SOX5: variants seen among roughly 807,000 people sequenced by gnomAD.
The protein encoded by SOX5 is transcription factor SOX-5.
Under a neutral mutation model 92.0 loss-of-function variants are expected in SOX5, and 9 were observed. That is an observed-to-expected ratio of 0.10 (90% CI 0.06 to 0.17). The LOEUF (loss-of-function observed/expected upper bound fraction) is 0.17, where lower values mean the gene tolerates loss of function less well. Among genes scored for constraint, SOX5 ranks in the 10% least tolerant of loss-of-function variants. The pLI is 1.00. For synonymous variants in SOX5, 344 were observed against 336.3 expected (o/e 1.02, Z -0.25); for missense variants, 642 against 944.5 (o/e 0.68, Z 4.20).
chr12:23,984,426 G>A (rs1049182144), intron 4 of SOX5, among the ~76,000 whole-genome samples: 2 of 152,148 alleles, frequency 1.3e-5, no homozygotes, highest in African/African-American at 2.4e-5. Context: ...TGGGTGACTC[G>A]GAAATCCACC....
chr12:24,030,195 T>G (rs1955336382), intron 4 of SOX5, among the ~76,000 whole-genome samples: 1 of 151,918 alleles, frequency 6.6e-6, no homozygotes, highest in South Asian at 2.1e-4. Flanking sequence ...ATTTTTTTGA[T>G]AGTTCACTAA....
At chr12:23,986,944 A>T (rs1301484936) in intron 4 of SOX5, among the ~76,000 whole-genome samples, 1 of 152,200 alleles carries the variant, frequency 6.6e-6, no homozygotes, top group Non-Finnish European at 1.5e-5. Context: ...CATTTTAAAA[A>T]TCACTTTCAC....
rs1233395155 is a variant in SOX5 at position 23,948,049 on chromosome 12, G to A, written c.38+1515C>T. Among the ~76,000 whole-genome samples the A allele has an allele frequency of 2.6e-5, 4 of 152,142 alleles. No individual in the cohort carries two copies. In the South Asian group the frequency reaches 8.3e-4, roughly 32 times the overall value. The stretch of plus-strand genomic sequence containing the variant: ...AAATCGCTACATTAGGTAATGTACA[G>A]TATGTTCCACTATGAATAACTTCAA... On this transcript the variant is annotated intron_variant, in intron 1 of 14. Transcript: ENST00000451604.
intron 4 of SOX5, among the ~76,000 whole-genome samples, chr12:23,966,781 T>G (rs7964111): frequency 0.97 from 147,750 of 152,232 alleles, 71,881 homozygotes; most frequent in East Asian, 1. Flanking sequence ...ATATTACAAC[T>G]GATACAAAAA....
intron 1 of SOX5, among the ~76,000 whole-genome samples, chr12:24,372,014 A>C (rs1172096625): frequency 6.6e-6 from 1 of 151,444 alleles, no homozygotes; most frequent in Non-Finnish European, 1.5e-5. Flanking sequence ...AGAGAGAGAG[A>C]GATCATTTGG....
At chr12:23,988,453 A>T (rs1191846638) in intron 4 of SOX5, among the ~76,000 whole-genome samples, 1 of 152,218 alleles carries the variant, frequency 6.6e-6, no homozygotes, top group African/African-American at 2.4e-5. Context: ...TTAATGTCTA[A>T]TGCTTTCAGT....
rs114062969 is a variant in SOX5, at chr12:23,789,508, T to G, written c.482-33784A>C. Among the ~76,000 whole-genome samples, 537 of 152,216 alleles carry G rather than the reference T, an allele frequency of 3.5e-3. 8 individuals are homozygous for G. Among genetic ancestry groups the G allele is most frequent in the African/African-American group, 0.012 (503 of 41,566 alleles). On this transcript the variant is annotated intron_variant, in intron 3 of 14. Transcript: ENST00000451604. ...GAGAATATGTTTCTTTTTAGGATAT[T>G]CTTTCAATTGAAGTATCACGTGTTT...
chr12:23,753,472 A>T (rs1291330685), intron 4 of SOX5, among the ~76,000 whole-genome samples: 3 of 151,848 alleles, frequency 2.0e-5, no homozygotes, highest in Non-Finnish European at 2.9e-5. Context: ...AATACTGTAA[A>T]GGCTGGAAAC....
In SOX5 at chr12:23,563,362, C is replaced by G; in HGVS notation, c.1384G>C (p.Glu462Gln). Residue 462 changes from glutamate to glutamine, a missense_variant, in exon 11 of 15, where the codon GAA becomes CAA. Coordinates refer to ENST00000451604, the MANE Select transcript of SOX5 (RefSeq NM_006940.6). ...DHDAVTKAIQ[E>Q]ARQMKEQLRR... ...AGTTGCTCCTTCATTTGCCGAGCTT[C>G]TTGGATTGCCTTGGTGACAGCATCA... The G allele has an allele frequency of 6.2e-7, 1 of 1,614,006 alleles. No homozygotes were observed. The highest frequency in any genetic ancestry group is 8.5e-7 in the Non-Finnish European group (1 of 1,179,932).
chr12:24,412,924 T>G (rs1964379884), intron 1 of SOX5, among the ~76,000 whole-genome samples: 2 of 151,786 alleles, frequency 1.3e-5, no homozygotes, highest in South Asian at 4.2e-4. Flanking sequence ...CCCGGCTAAT[T>G]TTTTGTATTT....
chr12:24,183,802 C>T (rs767519330), intron 4 of SOX5, among the ~76,000 whole-genome samples: 1 of 152,114 alleles, frequency 6.6e-6, no homozygotes, highest in African/African-American at 2.4e-5. Flanking sequence ...GTTCCTGACT[C>T]CACTTCTTTC....
At chr12:24,511,351 T>A (rs892799172) in intron 1 of SOX5, among the ~76,000 whole-genome samples, 1 of 152,258 alleles carries the variant, frequency 6.6e-6, no homozygotes, top group Admixed American at 6.5e-5. Flanking sequence ...CTTCTGTCAC[T>A]ACAATACCCA....
chr12:23,888,208 T>C (rs923705694), intron 2 of SOX5, among the ~76,000 whole-genome samples: 1 of 152,170 alleles, frequency 6.6e-6, no homozygotes. Context: ...ATATTTGAGT[T>C]GAATCTTTCT....
upstream of SOX5, chr12:23,949,735 T>TCTCTCTCTCTCTCTCTCC: frequency 1.5e-6 from 1 of 681,084 alleles, no homozygotes; most frequent in Admixed American, 3.8e-5. Flanking sequence ...TCCCTCCCTC[T>TCTCTCTCTCTCTCTCTCC]CTCTCTCTCT....
intron 9 of SOX5, among the ~76,000 whole-genome samples, chr12:23,581,643 T>G (rs1440603084): frequency 6.6e-6 from 1 of 152,106 alleles, no homozygotes; most frequent in Non-Finnish European, 1.5e-5. Context: ...TAATGGCTAT[T>G]ATATGCCAGG....
intron 6 of SOX5, among the ~76,000 whole-genome samples, chr12:23,684,129 G>T (rs2087118132): frequency 6.6e-6 from 1 of 151,908 alleles, no homozygotes; most frequent in African/African-American, 2.4e-5. Context: ...CTAGAAATGT[G>T]CTCTACTCTT....
rs183567166 is a variant in SOX5 at position 24,051,320 on chromosome 12, C to A, written c.-1-155296G>T. Among the ~76,000 whole-genome samples, 22 of 152,104 alleles carry A rather than the reference C, an allele frequency of 1.4e-4. No individual in the cohort carries two copies. The East Asian group carries it at 3.7e-3, about 25-fold the overall frequency. On this transcript the variant is annotated intron_variant, in intron 4 of 4. Transcript: ENST00000446891. ...AGACTCAAATTTTTAATAAGACTAACATAATTCTGTTACCAAGAAACAATC... is the reference window on the plus strand; with the variant it reads ...AGACTCAAATTTTTAATAAGACTAAAATAATTCTGTTACCAAGAAACAATC...
intron 4 of SOX5, among the ~76,000 whole-genome samples, chr12:24,027,235 C>T (rs951545212): frequency 6.6e-6 from 1 of 152,060 alleles, no homozygotes; most frequent in South Asian, 2.1e-4. Flanking sequence ...AGGCCCTCTC[C>T]TTTATTTCTG....
intron 6 of SOX5, among the ~76,000 whole-genome samples, chr12:23,718,546 C>T (rs2092637026): frequency 6.6e-6 from 1 of 152,132 alleles, no homozygotes; most frequent in Non-Finnish European, 1.5e-5. Context: ...TTTTTATAAA[C>T]CATGTTTAAT....
Sources: allele counts gnomAD v4.1 joint callset (sites outside exome capture counted in the v4.1 genomes callset), GRCh38; gene constraint gnomAD v4.1.1; transcripts MANE v1.5; gene names NCBI Gene and HGNC (gene_info 2026-07-23, HGNC 2026-07-21).